The following CDK14 variants were observed in gnomAD, a reference collection of about 807,000 sequenced individuals.
The protein encoded by CDK14 is cyclin dependent kinase 14.
A neutral mutation model predicts 60.7 loss-of-function variants in CDK14; 34 were observed. That is an observed-to-expected ratio of 0.56 (90% confidence interval 0.43 to 0.75). The LOEUF is 0.75. CDK14 is among the 30% of genes least tolerant of loss of function. The pLI, the probability that CDK14 is intolerant of heterozygous loss-of-function variation, is 0.00. For synonymous variants in CDK14, 197 were observed against 203.7 expected (o/e 0.97, Z 0.28); for missense variants, 482 against 564.1 (o/e 0.85, Z 1.47).
intron 14 of CDK14, among the ~76,000 whole-genome samples, chr7:91,133,815 C>T (rs936863122): frequency 8.5e-5 from 13 of 152,152 alleles, no homozygotes; most frequent in African/African-American, 3.1e-4. Context: ...GACGCTATCT[C>T]ATTACCAGAT....
intron 4 of CDK14, among the ~76,000 whole-genome samples, chr7:90,767,400 C>T (rs991888864): frequency 1.3e-5 from 2 of 152,070 alleles, no homozygotes; most frequent in African/African-American, 4.8e-5. Context: ...TTTTTTCTCT[C>T]TAGTCATTTA....
intron 14 of CDK14, among the ~76,000 whole-genome samples, chr7:91,181,314 T>C (rs1801993697): frequency 6.6e-6 from 1 of 152,212 alleles, no homozygotes. Context: ...TCAGTTTTGC[T>C]GATTGCATTC....
At chr7:90,845,766 G>A (rs2157797) in intron 5 of CDK14, among the ~76,000 whole-genome samples, 105,537 of 151,860 alleles carry the variant, frequency 0.69, 36,937 homozygotes, top group East Asian at 0.89. Context: ...ATCTGTATGA[G>A]GTTTTCTGAA....
At chr7:90,773,856 C>CCTCTCCTCT in intron 4 of CDK14, among the ~76,000 whole-genome samples, 1 of 74,110 alleles carries the variant, frequency 1.3e-5, no homozygotes, top group African/African-American at 4.4e-5. Context: ...CCTCTCCTCT[C>CCTCTCCTCT]CTCTCCTCTC....
chr7:90,807,088 A>G (rs1322950697), intron 5 of CDK14, among the ~76,000 whole-genome samples: 1 of 152,212 alleles, frequency 6.6e-6, no homozygotes, highest in Non-Finnish European at 1.5e-5. Flanking sequence ...GCAGACTTAA[A>G]TGTCCCTGTC....
intron 4 of CDK14, among the ~76,000 whole-genome samples, chr7:90,782,010 T>C (rs1805349010): frequency 6.6e-6 from 1 of 152,206 alleles, no homozygotes; most frequent in Non-Finnish European, 1.5e-5. Context: ...CCTTGGGCAG[T>C]ATGGCCATTT....
At chr7:90,693,280 TA>T (rs1448526533) in intron 2 of CDK14, among the ~76,000 whole-genome samples, 2 of 152,184 alleles carry the variant, frequency 1.3e-5, no homozygotes, top group East Asian at 3.8e-4. Flanking sequence ...CTTAAATATT[TA>T]TTGAACAGAA....
intron 8 of CDK14, among the ~76,000 whole-genome samples, chr7:90,919,060 A>G (rs895159222): frequency 2.6e-5 from 4 of 152,128 alleles, no homozygotes; most frequent in Admixed American, 6.5e-5. Flanking sequence ...GTAGAAAATA[A>G]TGGGAGAGTA....
chr7:90,663,044 C>T (rs1334921902), intron 2 of CDK14, among the ~76,000 whole-genome samples: 3 of 151,170 alleles, frequency 2.0e-5, no homozygotes, highest in African/African-American at 7.3e-5. Flanking sequence ...GTTCCCTTTG[C>T]GTTGAGTGGA....
chr7:90,701,744 G>C (rs1801791331), intron 2 of CDK14, among the ~76,000 whole-genome samples: 1 of 152,156 alleles, frequency 6.6e-6, no homozygotes, highest in African/African-American at 2.4e-5. Context: ...GGGAAGAGAA[G>C]TATTGCAGGA....
At chr7:90,806,571 C>T (rs1209806002) in intron 5 of CDK14, among the ~76,000 whole-genome samples, 1 of 152,200 alleles carries the variant, frequency 6.6e-6, no homozygotes, top group East Asian at 1.9e-4. Flanking sequence ...TTCTGCATTT[C>T]CAACTGAGGT....
chr7:90,667,955 T>C (rs1463329448), intron 2 of CDK14, among the ~76,000 whole-genome samples: 2 of 152,214 alleles, frequency 1.3e-5, no homozygotes, highest in Non-Finnish European at 2.9e-5. Flanking sequence ...ACATTTGGGT[T>C]GTTTCCACTT....
At chr7:90,611,147 T>C (rs1799530703) in intron 2 of CDK14, among the ~76,000 whole-genome samples, 1 of 152,158 alleles carries the variant, frequency 6.6e-6, no homozygotes, top group South Asian at 2.1e-4. Flanking sequence ...TCCTTTCTTT[T>C]CTATGTTTTC....
intron 4 of CDK14, among the ~76,000 whole-genome samples, chr7:90,775,392 A>G (rs1804979232): frequency 6.6e-6 from 1 of 152,158 alleles, no homozygotes; most frequent in African/African-American, 2.4e-5. Flanking sequence ...AGGAAAAGTG[A>G]TAATATCAAG....
At chr7:90,658,127 A>G (rs1368853030) in intron 2 of CDK14, among the ~76,000 whole-genome samples, 2 of 152,186 alleles carry the variant, frequency 1.3e-5, no homozygotes, top group Admixed American at 6.5e-5. Context: ...CCTGGCAACC[A>G]CTTACCTACT....
intron 2 of CDK14, among the ~76,000 whole-genome samples, chr7:90,698,128 A>T (rs1801706005): frequency 6.6e-6 from 1 of 151,934 alleles, no homozygotes; most frequent in African/African-American, 2.4e-5. Flanking sequence ...TGTCAATTAA[A>T]AAAAGTACTT....
At chr7:90,904,765 C>T (rs1792638505) in intron 7 of CDK14, among the ~76,000 whole-genome samples, 1 of 152,070 alleles carries the variant, frequency 6.6e-6, no homozygotes, top group African/African-American at 2.4e-5. Context: ...AAATAATGTT[C>T]ATTATTGCAA....
chr7:90,823,515 T>C (rs1250369424), intron 5 of CDK14, among the ~76,000 whole-genome samples: 1 of 152,210 alleles, frequency 6.6e-6, no homozygotes, highest in African/African-American at 2.4e-5. Context: ...GAAGAAGCCC[T>C]GTTGGGTTTT....
intron 6 of CDK14, among the ~76,000 whole-genome samples, chr7:90,867,970 T>TA (rs754113058): frequency 0.032 from 4,686 of 145,030 alleles, 231 homozygotes; most frequent in African/African-American, 0.11. Context: ...TACATAAAAT[T>TA]AAAAAAAAAA....
Sources: allele counts gnomAD v4.1 joint callset (sites outside exome capture counted in the v4.1 genomes callset), GRCh38; gene constraint gnomAD v4.1.1; transcripts MANE v1.5; gene names NCBI Gene and HGNC (gene_info 2026-07-23, HGNC 2026-07-21).